Variants in TMPRSS3 observed in about 807,000 individuals in gnomAD.
TMPRSS3 encodes transmembrane serine protease 3, also known as transmembrane protease serine 3.
TMPRSS3 carries 55 observed loss-of-function variants against 59.6 expected under a neutral mutation model. The ratio of observed to expected loss-of-function variants is 0.92; its 90% CI spans 0.74 to 1.16. TMPRSS3 has a LOEUF of 1.16. Among genes scored for constraint, TMPRSS3 ranks in the 50% most tolerant of loss-of-function variants. The probability of loss-of-function intolerance (pLI) is 0.00; values close to 1 mark genes in which losing one functional copy is unlikely to be tolerated. For missense variants in TMPRSS3, 596 were observed against 579.4 expected (o/e 1.03, Z -0.29); for synonymous variants, 257 against 237.7 (o/e 1.08, Z -0.75).
At position 42,374,166 on chromosome 21, in the gene TMPRSS3, C is replaced by T. The variant is rs146523707; in HGVS notation, c.1345-1387G>A. Among the ~76,000 whole-genome samples, 448 of 152,304 alleles carry T rather than the reference C, an allele frequency of 2.9e-3. 2 individuals are homozygous for T. The highest frequency in any genetic ancestry group is 0.01 in the African/African-American group (419 of 41,586). On this transcript the variant is annotated intron_variant, in intron 12 of 12. Transcript: ENST00000644384. Reference sequence around the variant, plus strand: ...GTCCATCCTGGTCCTTTCTACAGTGCGGGCGGGCTGGGCTGAGCTTTATAC... The same window carrying T: ...GTCCATCCTGGTCCTTTCTACAGTGTGGGCGGGCTGGGCTGAGCTTTATAC...
chr21:42,387,531 C>A (rs912290738), intron 5 of TMPRSS3, among the ~76,000 whole-genome samples: 2 of 152,114 alleles, frequency 1.3e-5, no homozygotes, highest in African/African-American at 2.4e-5. Context: ...GAGAGGGAGG[C>A]AGACCTCAGG....
At chr21:42,394,264 A>C (rs1214711300) in intron 2 of TMPRSS3, among the ~76,000 whole-genome samples, 1 of 152,092 alleles carries the variant, frequency 6.6e-6, no homozygotes, top group East Asian at 1.9e-4. Context: ...AAATATTAGG[A>C]ACAACTATAG....
rs59669731 is a variant in TMPRSS3 at position 42,387,371 on chromosome 21, A to AGTGTGTGTGTGTGTGTGTGT, written c.446+1012_446+1031dup. Among the ~76,000 whole-genome samples the AGTGTGTGTGTGTGTGTGTGT allele has an allele frequency of 3.3e-3, 482 of 147,192 alleles. 2 individuals carry two copies. The highest frequency in any genetic ancestry group is 0.01 in the African/African-American group (395 of 39,462). On this transcript the variant is annotated intron_variant, in intron 5 of 12. Transcript: ENST00000644384. ...AATGGGGAAGCTCTCAGCTGTGTGC[A>AGTGTGTGTGTGTGTGTGTGT]GTGTGTGTGTGTGTGTGTGTGTGTG...
At position 42,395,333 on chromosome 21, in the gene TMPRSS3, C is replaced by T; in HGVS notation, c.85G>A (p.Val29Ile). 3 of 1,613,838 alleles carry T rather than the reference C, an allele frequency of 1.9e-6. No individual in the cohort carries two copies. The highest frequency in any genetic ancestry group is 2.5e-6 in the Non-Finnish European group (3 of 1,179,944). Residue 29 changes from valine (V) to isoleucine (I), a missense_variant, in exon 2 of 13, where the codon GTT becomes ATT. Val to Ile is a conservative substitution (Grantham distance 29, BLOSUM62 3). Transcript: ENST00000644384. ...FGLDDLKISP[V>I]APDADAVAAQ... The stretch of plus-strand genomic sequence containing the variant: ...ACCTGGGTCCACTTACCTGGTGCAA[C>T]AGGACTTATTTTCAAATCATCAAGG...
chr21:42,395,669 C>CAA (rs138713556), intron 1 of TMPRSS3: 7,483 of 240,340 alleles, frequency 0.031, 40 homozygotes, highest in African/African-American at 0.05. Flanking sequence ...CTAGAATTAG[C>CAA]AAAAAAAAAA....
At chr21:42,389,082 C>T (rs750207428) in intron 3 of TMPRSS3, 37 bp from the exon 4 acceptor site, 7 of 1,612,846 alleles carry the variant, frequency 4.3e-6, no homozygotes, top group African/African-American at 2.7e-5. Flanking sequence ...TAACCAACAG[C>T]TCTTTCAGAG....
Position 42,380,026 on chromosome 21 carries a change from G to A in TMPRSS3, c.1048+91C>T, listed in dbSNP as rs1027298239. 5 of 1,083,794 alleles carry A rather than the reference G, an allele frequency of 4.6e-6. No homozygotes were observed. In the African/African-American group the frequency reaches 6.2e-5, roughly 13 times the overall value. The allele number at this position is 1,083,794 out of a possible 1,614,324, so 67.1% of individuals were successfully genotyped here. On this transcript the variant is annotated intron_variant, in intron 10 of 12. Transcript: ENST00000644384. ...GCCGGGGTATCTGGGCAGCCCATGG[G>A]AACATCACAATGGGACATTGGGGGA...
At chr21:42,374,076 C>T (rs1888520) in intron 12 of TMPRSS3, among the ~76,000 whole-genome samples, 26,581 of 152,108 alleles carry the variant, frequency 0.17, 2,471 homozygotes, top group East Asian at 0.32. Context: ...TGTGCCCACG[C>T]GACCCTTCTG....
At chr21:42,387,277 A>C (rs1488692959) in intron 5 of TMPRSS3, among the ~76,000 whole-genome samples, 1 of 151,990 alleles carries the variant, frequency 6.6e-6, no homozygotes, top group East Asian at 1.9e-4. Flanking sequence ...GAGAAGAGAA[A>C]AGGAGGCCCC....
At chr21:42,373,013 C>T (rs368903680) in intron 12 of TMPRSS3, among the ~76,000 whole-genome samples, 11 of 152,140 alleles carry the variant, frequency 7.2e-5, no homozygotes, top group South Asian at 4.2e-4. Flanking sequence ...GCGACAGTTC[C>T]GTCACTTCCG....
chr21:42,378,617 C>T (rs535333634), intron 10 of TMPRSS3, among the ~76,000 whole-genome samples: 47 of 152,302 alleles, frequency 3.1e-4, no homozygotes, highest in African/African-American at 9.4e-4. Flanking sequence ...CAGCTGCAGC[C>T]GCCGCCACCA....
chr21:42,385,414 A>C lies in TMPRSS3; in HGVS notation c.567T>G (p.Tyr189Ter), dbSNP rs747054153. The C allele has an allele frequency of 5.0e-6, 8 of 1,613,932 alleles. No individual in the cohort carries two copies. Among genetic ancestry groups the C allele is most frequent in the Non-Finnish European group, 6.8e-6 (8 of 1,179,948 alleles). ...AGCATCGCCTGACCACCTACCTCAC[A>C]TATACTGAGTGGTGTAATGCAGTCA... ...DKVTALHHSV[Y>*]VREGCASGHV... The change falls in exon 6 of 13, where the codon TAT (tyrosine) becomes TAG (stop). Residue 189 changes from tyrosine to a stop codon, truncating the protein, a stop_gained. Transcript: ENST00000644384. LOFTEE classifies it high-confidence loss of function.
chr21:42,386,997 C>T (rs764110524), intron 5 of TMPRSS3, among the ~76,000 whole-genome samples: 1 of 152,042 alleles, frequency 6.6e-6, no homozygotes, highest in East Asian at 1.9e-4. Flanking sequence ...TGGGGGACAT[C>T]GCATTCCCTG....
At chr21:42,394,424 G>A (rs1003318575) in intron 2 of TMPRSS3, among the ~76,000 whole-genome samples, 1 of 152,170 alleles carries the variant, frequency 6.6e-6, no homozygotes, top group Admixed American at 6.5e-5. Flanking sequence ...ACGGGCAAAA[G>A]CAGGAAGAGA....
At chr21:42,376,831 T>G in intron 10 of TMPRSS3, 148 bp from the exon 11 acceptor site, 3 of 1,263,608 alleles carry the variant, frequency 2.4e-6, no homozygotes, top group Non-Finnish European at 2.3e-6. Context: ...GACAGGGCCC[T>G]GCGGGTGGGA....
chr21:42,380,030 A>T lies in TMPRSS3; in HGVS notation c.1048+87T>A, dbSNP rs138926733. 3.5e-4 allele frequency: 400 copies of T among 1,136,640 alleles called. No homozygotes were observed. The Middle Eastern group carries it at 6.2e-3, about 18-fold the overall frequency. 70.4% of individuals were successfully genotyped at this position (1,136,640 alleles called of 1,614,324 possible). On this transcript the variant is annotated intron_variant, in intron 10 of 12. Coordinates refer to ENST00000644384, the MANE Select transcript of TMPRSS3 (RefSeq NM_001256317.3). Reference sequence around the variant, plus strand: ...GGGTATCTGGGCAGCCCATGGGAACATCACAATGGGACATTGGGGGAGCCC... The same window carrying T: ...GGGTATCTGGGCAGCCCATGGGAACTTCACAATGGGACATTGGGGGAGCCC...
chr21:42,374,208 C>A (rs1209193877), intron 12 of TMPRSS3, among the ~76,000 whole-genome samples: 2 of 152,216 alleles, frequency 1.3e-5, no homozygotes, highest in Admixed American at 1.3e-4. Flanking sequence ...GCATAGCAGG[C>A]CACTCAGTGC....
At chr21:42,391,762 G>C (rs946788545) in intron 2 of TMPRSS3, among the ~76,000 whole-genome samples, 1 of 152,168 alleles carries the variant, frequency 6.6e-6, no homozygotes, top group Admixed American at 6.5e-5. Flanking sequence ...CAGGACTCTC[G>C]TGTCTTCCAA....
chr21:42,386,066 C>T (rs2052629314), intron 5 of TMPRSS3, among the ~76,000 whole-genome samples: 1 of 152,194 alleles, frequency 6.6e-6, no homozygotes, highest in Admixed American at 6.5e-5. Context: ...ATTCCACGAA[C>T]ACCAGAGCCC....
Sources: allele counts gnomAD v4.1 joint callset (sites outside exome capture counted in the v4.1 genomes callset), GRCh38; gene constraint gnomAD v4.1.1; transcripts MANE v1.5; gene names NCBI Gene and HGNC (gene_info 2026-07-23, HGNC 2026-07-21).